SLC25A25: variants seen among roughly 807,000 people sequenced by gnomAD.
The protein encoded by SLC25A25 is mitochondrial adenyl nucleotide antiporter SLC25A25.
Under a neutral mutation model 57.7 loss-of-function variants are expected in SLC25A25, and 32 were observed. The ratio of observed to expected loss-of-function variants is 0.55; its 90% CI spans 0.42 to 0.74. The LOEUF (loss-of-function observed/expected upper bound fraction) is 0.74, where lower values mean the gene tolerates loss of function less well. SLC25A25 is among the 30% of genes least tolerant of loss of function. SLC25A25 has a pLI of 0.00. For synonymous variants in SLC25A25, 306 were observed against 291.2 expected (o/e 1.05, Z -0.52); for missense variants, 556 against 701.3 (o/e 0.79, Z 2.34).
In SLC25A25 at chr9:128,102,181, G is replaced by T; in HGVS notation, c.512+66G>T. 1 of 1,538,648 alleles carries T rather than the reference G, an allele frequency of 6.5e-7. No homozygotes were observed. On this transcript the variant is annotated intron_variant, in intron 4 of 10. Transcript: ENST00000373069. This position sits in a 1 kb window ranked among gnomAD's most constrained non-coding sequence, Gnocchi z 4.1. ...CATGCCTGATCAGAGCGGGATTCTT[G>T]TGGGCCATTATATTGCCATTGTTGT...
intron 1 of SLC25A25, among the ~76,000 whole-genome samples, chr9:128,083,513 C>CTTCT (rs1833204204): frequency 1.2e-4 from 14 of 117,454 alleles, no homozygotes; most frequent in Non-Finnish European, 1.6e-4. Flanking sequence ...TTTCTTTTTT[C>CTTCT]TTTTTTTTTT....
rs946359839 is a variant in SLC25A25 at position 128,107,889 on chromosome 9, G to C, written c.*445G>C. 6 of 401,130 alleles carry C rather than the reference G, an allele frequency of 1.5e-5. No homozygotes were observed. The highest frequency in any genetic ancestry group is 1.2e-4 in the African/African-American group (6 of 48,644). The allele number at this position is 401,130 out of a possible 1,614,324, so 24.8% of individuals were successfully genotyped here. A position where few individuals can be genotyped will look rare whatever the true frequency, so the allele number is the denominator to read the frequency against. ...GTCTGCTGAGGTAAGGTGGGAGGAG[G>C]GCTACAGCCCACATCCCACCCCCTC... On this transcript the variant is annotated 3_prime_UTR_variant, in exon 11 of 11. Transcript: ENST00000373069.
intron 1 of SLC25A25, among the ~76,000 whole-genome samples, chr9:128,070,188 T>TCACG (rs1327448343): frequency 6.9e-6 from 1 of 144,374 alleles, no homozygotes; most frequent in Non-Finnish European, 1.5e-5. Flanking sequence ...CCTCCGGGGT[T>TCACG]CACGCCATTC....
chr9:128,098,762 TC>T, intron 1 of SLC25A25: 1 of 1,604,260 alleles, frequency 6.2e-7, no homozygotes, highest in Non-Finnish European at 8.5e-7. Context: ...AGAGGCGCAT[TC>T]AACCGGTATT....
At chr9:128,091,715 T>C in intron 1 of SLC25A25, 1 of 1,439,508 alleles carries the variant, frequency 6.9e-7, no homozygotes, top group Non-Finnish European at 9.1e-7. Flanking sequence ...GCTAGCACAT[T>C]TGAAAAAGCA....
intron 1 of SLC25A25, among the ~76,000 whole-genome samples, chr9:128,072,105 C>T (rs1267074612): frequency 3.3e-5 from 5 of 152,160 alleles, no homozygotes; most frequent in African/African-American, 7.2e-5. Flanking sequence ...AGCTCATTAC[C>T]TGTAAAGGAG....
At chr9:128,094,202 C>T (rs1272912189) in intron 1 of SLC25A25, 1 of 152,186 alleles carries the variant, frequency 6.6e-6, no homozygotes, top group Non-Finnish European at 1.5e-5. Flanking sequence ...GTCCCAGAAG[C>T]ACTACTTTGT....
intron 1 of SLC25A25, chr9:128,091,381 G>T: frequency 1.0e-6 from 1 of 956,342 alleles, no homozygotes; most frequent in Non-Finnish European, 1.2e-6. Context: ...AATGAACTTG[G>T]TAGTGTCGGC....
chr9:128,090,392 T>C (rs7861201), intron 1 of SLC25A25, among the ~76,000 whole-genome samples: 114,215 of 151,668 alleles, frequency 0.75, 44,489 homozygotes, highest in Non-Finnish European at 0.85. Context: ...TTTCTATTTT[T>C]AGTAGAGACG....
At position 128,103,658 on chromosome 9, in the gene SLC25A25, G is replaced by A; in HGVS notation, c.625-23G>A. On this transcript the variant is annotated intron_variant, in intron 5 of 10. Coordinates refer to ENST00000373069, the MANE Select transcript of SLC25A25 (RefSeq NM_001330988.2). The surrounding 1 kb of genome is among the most constrained non-coding windows in gnomAD (Gnocchi z 6.7). ...CCTTGCCCCAAGGGTCCTGAGTCAGGCTTGTGCCATCTTTCCTCACAGATC... is the reference window on the plus strand; with the variant it reads ...CCTTGCCCCAAGGGTCCTGAGTCAGACTTGTGCCATCTTTCCTCACAGATC... 1 of 1,614,158 alleles carries A rather than the reference G, an allele frequency of 6.2e-7. No individual in the cohort carries two copies. Among genetic ancestry groups the A allele is most frequent in the Non-Finnish European group, 8.5e-7 (1 of 1,180,018 alleles).
chr9:128,092,702 A>G (rs1190160378), intron 1 of SLC25A25, among the ~76,000 whole-genome samples: 1 of 152,122 alleles, frequency 6.6e-6, no homozygotes, highest in Non-Finnish European at 1.5e-5. Flanking sequence ...CTGAGCCCAG[A>G]GCGTGAGTTA....
chr9:128,091,542 T>A, intron 1 of SLC25A25: 1 of 1,003,620 alleles, frequency 1.0e-6, no homozygotes, highest in Non-Finnish European at 1.2e-6. Flanking sequence ...CGCGTTTTCC[T>A]TTTCTTTTTT....
chr9:128,099,307 C>G lies in SLC25A25; in HGVS notation c.262-1789C>G. ...TGTGCACCAAGGGGGATTTGCAGAT[C>G]CAAGGAAGGAGACAGAAGGAGGCCC... On this transcript the variant is annotated intron_variant, in intron 1 of 10. Coordinates refer to ENST00000373069, the MANE Select transcript of SLC25A25 (RefSeq NM_001330988.2). The surrounding 1 kb of genome is among the most constrained non-coding windows in gnomAD (Gnocchi z 6.8). 7.8e-7 allele frequency: 1 copy of G among 1,277,684 alleles called. No homozygotes were observed. Among genetic ancestry groups the G allele is most frequent in the African/African-American group, 1.5e-5 (1 of 64,908 alleles). The allele number at this position is 1,277,684 out of a possible 1,614,324, so 79.1% of individuals were successfully genotyped here. A position where few individuals can be genotyped will look rare whatever the true frequency, so the allele number is the denominator to read the frequency against.
chr9:128,071,145 G>A (rs561378139), intron 1 of SLC25A25, among the ~76,000 whole-genome samples: 2 of 152,264 alleles, frequency 1.3e-5, no homozygotes, highest in East Asian at 1.9e-4. Context: ...CAATGTTCTC[G>A]AGATTCAAGG....
At position 128,107,170 on chromosome 9, in the gene SLC25A25, C is replaced by T; in HGVS notation, c.1354C>T (p.Gln452Ter). ...YPLALVRTRM[Q>*]AQASIEGAPE... ...CCTGGCCCTAGTCAGGACCCGGATG[C>T]AGGCGCAAGGTAAGGCTGGCCCTGG... Residue 452 changes from glutamine to a stop codon, truncating the protein, a stop_gained, in exon 10 of 11, where the codon CAG becomes TAG. Coordinates refer to ENST00000373069, the MANE Select transcript of SLC25A25 (RefSeq NM_001330988.2). LOFTEE classifies it high-confidence loss of function. 6.2e-7 allele frequency: 1 copy of T among 1,613,876 alleles called. No homozygotes were observed. The highest frequency in any genetic ancestry group is 8.5e-7 in the Non-Finnish European group (1 of 1,180,014).
intron 1 of SLC25A25, among the ~76,000 whole-genome samples, chr9:128,096,137 ATAAAG>A (rs1337422111): frequency 3.3e-5 from 5 of 152,320 alleles, no homozygotes; most frequent in African/African-American, 1.2e-4. Flanking sequence ...ATCTCATTTT[ATAAAG>A]TAGAGTGAGC....
rs746009963 is a variant in SLC25A25 at position 128,076,456 on chromosome 9, AT to A, written c.261+7881del. On this transcript the variant is annotated intron_variant, in intron 1 of 10. Coordinates refer to ENST00000373069, the MANE Select transcript of SLC25A25 (RefSeq NM_001330988.2). ...TAACTTTTTTTTTATTTTTATTTTT[AT>A]TTTTATTTTTATTTTTATTTTTTTT... Among the ~76,000 whole-genome samples the A allele has an allele frequency of 3.8e-3, 492 of 129,478 alleles. 7 individuals carry two copies. The highest frequency in any genetic ancestry group is 0.017 in the African/African-American group (438 of 26,312). 84.9% of individuals were successfully genotyped at this position (129,478 alleles called of 152,430 possible). A position where few individuals can be genotyped will look rare whatever the true frequency, so the allele number is the denominator to read the frequency against.
rs1409708612 is a variant in SLC25A25, at chr9:128,103,020, A to C, written c.624+539A>C. Among the ~76,000 whole-genome samples the C allele has an allele frequency of 6.6e-6, 1 of 152,148 alleles. No individual in the cohort carries two copies. The highest frequency in any genetic ancestry group is 1.5e-5 in the Non-Finnish European group (1 of 68,024). On this transcript the variant is annotated intron_variant, in intron 5 of 10. Transcript: ENST00000373069. The surrounding 1 kb of genome is among the most constrained non-coding windows in gnomAD (Gnocchi z 6.7). ...TGTCCCTCTCTGAGTCCTGGTGTGC[A>C]GTCCTGTCCCTCTGGACCATCCGCT...
In SLC25A25 at chr9:128,099,231, G is replaced by T; in HGVS notation, c.262-1865G>T. On this transcript the variant is annotated intron_variant, in intron 1 of 10. Transcript: ENST00000373069. This position sits in a 1 kb window ranked among gnomAD's most constrained non-coding sequence, Gnocchi z 6.8. ...GAGCTGCAGAGTCCGGAGGCCCCTT[G>T]CCACCTCGGCTTCTCGGTTAATCAG... 7.8e-7 allele frequency: 1 copy of T among 1,288,802 alleles called. No individual in the cohort carries two copies. Among genetic ancestry groups the T allele is most frequent in the Non-Finnish European group, 1.0e-6 (1 of 988,462 alleles). 79.8% of individuals were successfully genotyped at this position (1,288,802 alleles called of 1,614,324 possible).
Sources: gnomAD v4.1 joint callset for allele counts (sites outside exome capture counted in the v4.1 genomes callset) on GRCh38, gnomAD v4.1.1 for gene constraint, Gnocchi (gnomAD v3.1) non-coding constraint, MANE v1.5 for transcripts, NCBI Gene and HGNC (gene_info 2026-07-23, HGNC 2026-07-21) for gene names.